Variants in ADGRL3 observed in about 807,000 individuals in gnomAD.
ADGRL3 encodes calcium-independent alpha-latrotoxin receptor 3.
ADGRL3 carries 62 observed loss-of-function variants against 153.5 expected under a neutral mutation model. That is an observed-to-expected ratio of 0.40 (90% confidence interval 0.33 to 0.50). The LOEUF (loss-of-function observed/expected upper bound fraction) is 0.50, where lower values mean the gene tolerates loss of function less well. ADGRL3 is among the 20% of genes least tolerant of loss of function. The pLI is 0.47. For synonymous variants in ADGRL3, 710 were observed against 672.5 expected, an observed-to-expected ratio of 1.06 and a Z score of -0.86; for missense variants, 1,641 against 1,859.4, an observed-to-expected ratio of 0.88 and a Z score of 2.16.
rs75589389 is a variant in ADGRL3 at position 61,501,071 on chromosome 4, A to G, written c.55+3723A>G. On this transcript the variant is annotated intron_variant, in intron 3 of 26. Coordinates refer to ENST00000683033, the MANE Select transcript of ADGRL3 (RefSeq NM_001387552.1). ...TCTTCCATGTTCTTGGGACAGACAG[A>G]CTGTGGTTCTGAAGCCTGACAGACC... 6.7e-3 allele frequency among the ~76,000 whole-genome samples: 1,016 copies of G among 152,314 alleles called. 11 individuals are homozygous for G. Among genetic ancestry groups the G allele is most frequent in the African/African-American group, 0.023 (960 of 41,560 alleles).
intron 2 of ADGRL3, among the ~76,000 whole-genome samples, chr4:61,401,078 A>T (rs4860094): frequency 0.51 from 76,660 of 150,568 alleles, 22,374 homozygotes; most frequent in Admixed American, 0.67. Flanking sequence ...TTTTTTTTTA[A>T]AAAAAAGATT....
intron 6 of ADGRL3, among the ~76,000 whole-genome samples, chr4:61,694,437 T>C (rs1203607214): frequency 6.6e-6 from 1 of 152,172 alleles, no homozygotes; most frequent in Non-Finnish European, 1.5e-5. Context: ...TCCCAGTGCA[T>C]GTAAAAGTTA....
rs549148667 is a variant in ADGRL3, at chr4:61,409,375, C to T, written c.-174+26186C>T. Among the ~76,000 whole-genome samples, 397 of 119,260 alleles carry T rather than the reference C, an allele frequency of 3.3e-3. 4 individuals are homozygous for T. The highest frequency in any genetic ancestry group is 0.011 in the African/African-American group (384 of 34,180). 78.2% of individuals were successfully genotyped at this position (119,260 alleles called of 152,430 possible). A position where few individuals can be genotyped will look rare whatever the true frequency, so the allele number is the denominator to read the frequency against. ...TATATAATATATTATATATATAAGA[C>T]ATATATTATATATATATTAGACATA... On this transcript the variant is annotated intron_variant, in intron 2 of 26. Transcript: ENST00000683033.
At position 61,579,669 on chromosome 4, in the gene ADGRL3, T is replaced by A. The variant is rs1056412857; in HGVS notation, c.260-7558T>A. 6.5e-6 allele frequency: 3 copies of A among 460,518 alleles called. No homozygotes were observed. The Admixed American group carries it at 7.8e-5, about 12-fold the overall frequency. The allele number at this position is 460,518 out of a possible 1,614,324, so 28.5% of individuals were successfully genotyped here. On this transcript the variant is annotated intron_variant, in intron 4 of 26. Transcript: ENST00000683033. The stretch of plus-strand genomic sequence containing the variant: ...TTTGATGATGTACCACTCATTAGAA[T>A]TTTTTTCTATAAGTTCAGAAATTGT...
At chr4:61,423,572 G>A (rs1467836304) in intron 2 of ADGRL3, among the ~76,000 whole-genome samples, 2 of 152,194 alleles carry the variant, frequency 1.3e-5, no homozygotes, top group Non-Finnish European at 2.9e-5. Context: ...CTGGCAGAGA[G>A]CAGTATGGAA....
At chr4:61,249,354 A>G (rs1217922581) in intron 1 of ADGRL3, among the ~76,000 whole-genome samples, 1 of 152,160 alleles carries the variant, frequency 6.6e-6, no homozygotes, top group Non-Finnish European at 1.5e-5. Context: ...TGTCTTGGAA[A>G]AAGAAGTTTA....
At chr4:61,541,164 C>T (rs962197385) in intron 4 of ADGRL3, among the ~76,000 whole-genome samples, 3 of 151,918 alleles carry the variant, frequency 2.0e-5, no homozygotes, top group African/African-American at 2.4e-5. Flanking sequence ...AGAAGGAGTT[C>T]GTGGCCCCAG....
intron 9 of ADGRL3, among the ~76,000 whole-genome samples, chr4:61,853,456 C>T (rs749377009): frequency 5.3e-5 from 8 of 152,162 alleles, no homozygotes; most frequent in Non-Finnish European, 1.2e-4. Context: ...GCTGTTCCAT[C>T]AGTTGCTAAT....
At chr4:62,029,693 C>T (rs1390002809) in intron 22 of ADGRL3, among the ~76,000 whole-genome samples, 1 of 136,734 alleles carries the variant, frequency 7.3e-6, no homozygotes, top group South Asian at 2.3e-4. Context: ...TTCTGCTTTC[C>T]TTCTTTTGTT....
chr4:61,966,572 G>A (rs2099007394), intron 17 of ADGRL3, among the ~76,000 whole-genome samples: 1 of 139,102 alleles, frequency 7.2e-6, no homozygotes, highest in Non-Finnish European at 1.5e-5. Context: ...CTTTCAAAAG[G>A]GGTGTGTGTG....
chr4:61,513,870 G>A (rs571605295), intron 3 of ADGRL3, among the ~76,000 whole-genome samples: 68 of 152,110 alleles, frequency 4.5e-4, no homozygotes, highest in Non-Finnish European at 7.1e-4. Flanking sequence ...CTGCCTCAGA[G>A]CCAAAATTAA....
intron 4 of ADGRL3, among the ~76,000 whole-genome samples, chr4:61,581,514 T>G (rs1488920064): frequency 3.3e-5 from 5 of 152,056 alleles, no homozygotes; most frequent in Non-Finnish European, 7.4e-5. Flanking sequence ...ATGTGAATGC[T>G]GAAAGAATTG....
chr4:61,594,325 G>A (rs1579739467), intron 5 of ADGRL3, among the ~76,000 whole-genome samples: 1 of 152,086 alleles, frequency 6.6e-6, no homozygotes, highest in Non-Finnish European at 1.5e-5. Context: ...TAGTTCATTT[G>A]ATGAGGTCCT....
intron 9 of ADGRL3, among the ~76,000 whole-genome samples, chr4:61,853,553 A>G (rs2098231572): frequency 2.0e-5 from 3 of 152,200 alleles, no homozygotes; most frequent in Middle Eastern, 3.2e-3. Flanking sequence ...ATGTAAAAGC[A>G]CCTTCTGGCT....
At chr4:61,462,668 T>G (rs2097837026) in intron 2 of ADGRL3, among the ~76,000 whole-genome samples, 1 of 152,090 alleles carries the variant, frequency 6.6e-6, no homozygotes, top group South Asian at 2.1e-4. Context: ...TTTAGGCAAA[T>G]AAAAAAACTA....
chr4:61,422,014 C>T (rs371837984), intron 2 of ADGRL3, among the ~76,000 whole-genome samples: 2 of 151,978 alleles, frequency 1.3e-5, no homozygotes, highest in African/African-American at 4.8e-5. Context: ...TTGTGTGAAC[C>T]GTTTTGTAAC....
chr4:61,346,198 C>T (rs546004474), intron 1 of ADGRL3, among the ~76,000 whole-genome samples: 3 of 151,920 alleles, frequency 2.0e-5, no homozygotes, highest in African/African-American at 7.2e-5. Flanking sequence ...CCCAAATGTT[C>T]TAGTCCAGCC....
chr4:61,549,257 C>T (rs991424976), intron 4 of ADGRL3, among the ~76,000 whole-genome samples: 3 of 151,908 alleles, frequency 2.0e-5, no homozygotes, highest in Admixed American at 2.0e-4. Context: ...TAGAATCATA[C>T]TGCAAACAGG....
At chr4:61,771,659 G>A (rs140024843) in intron 8 of ADGRL3, among the ~76,000 whole-genome samples, 4 of 152,182 alleles carry the variant, frequency 2.6e-5, no homozygotes, top group African/African-American at 9.6e-5. Flanking sequence ...GGCTTAAACA[G>A]TCCTTCTGCC....
Sources: allele counts gnomAD v4.1 joint callset (sites outside exome capture counted in the v4.1 genomes callset), GRCh38; gene constraint gnomAD v4.1.1; transcripts MANE v1.5; gene names NCBI Gene and HGNC (gene_info 2026-07-23, HGNC 2026-07-21).